EYS: variants seen among roughly 807,000 people sequenced by gnomAD.
EYS encodes protein eyes shut homolog.
Under a neutral mutation model 282.1 loss-of-function variants are expected in EYS, and 250 were observed. That is an observed-to-expected ratio of 0.89 (90% confidence interval 0.80 to 0.98). The LOEUF is 0.98. EYS is among the 50% of genes least tolerant of loss of function. The pLI, the probability that EYS is intolerant of heterozygous loss-of-function variation, is 0.00. For missense variants in EYS, 4,016 were observed against 3,709.0 expected (o/e 1.08, Z -2.15); for synonymous variants, 1,355 against 1,282.9 (o/e 1.06, Z -1.20).
intron 12 of EYS, among the ~76,000 whole-genome samples, chr6:65,154,668 T>A (rs1053701958): frequency 6.6e-6 from 1 of 151,588 alleles, no homozygotes; most frequent in Non-Finnish European, 1.5e-5. Flanking sequence ...AATCTTTGAG[T>A]AGTCCCTTCA....
intron 26 of EYS, among the ~76,000 whole-genome samples, chr6:64,525,653 G>A (rs1204150336): frequency 6.6e-6 from 1 of 151,420 alleles, no homozygotes; most frequent in Non-Finnish European, 1.5e-5. Context: ...AAACCTGCAA[G>A]TATACTCCTG....
At chr6:64,455,885 T>C (rs1775544506) in intron 26 of EYS, among the ~76,000 whole-genome samples, 1 of 152,202 alleles carries the variant, frequency 6.6e-6, no homozygotes, top group South Asian at 2.1e-4. Flanking sequence ...TAATTACGTT[T>C]GTTCACTTAC....
At chr6:64,382,251 C>T (rs1446591411) in intron 29 of EYS, among the ~76,000 whole-genome samples, 1 of 152,118 alleles carries the variant, frequency 6.6e-6, no homozygotes, top group Non-Finnish European at 1.5e-5. Flanking sequence ...ATCTCATTCT[C>T]TTCACTCTCT....
intron 12 of EYS, among the ~76,000 whole-genome samples, chr6:65,269,177 C>T (rs1014366944): frequency 1.3e-5 from 2 of 152,116 alleles, no homozygotes; most frequent in African/African-American, 4.8e-5. Flanking sequence ...AATCTTTGTC[C>T]TTCATGTCTT....
intron 22 of EYS, among the ~76,000 whole-genome samples, chr6:64,721,701 A>G (rs1425352809): frequency 6.6e-6 from 1 of 152,198 alleles, no homozygotes; most frequent in African/African-American, 2.4e-5. Context: ...TAAGCCCAAA[A>G]GAGAACTTTA....
intron 2 of EYS, among the ~76,000 whole-genome samples, chr6:65,568,428 C>T (rs897199042): frequency 1.3e-5 from 2 of 150,184 alleles, no homozygotes; most frequent in African/African-American, 4.9e-5. Context: ...TGCCATTTTT[C>T]TTATCAGTCT....
At position 65,072,732 on chromosome 6, in the gene EYS, T is replaced by C. The variant is rs1339161680; in HGVS notation, c.2024-15005A>G. Among the ~76,000 whole-genome samples, 3 of 151,200 alleles carry C rather than the reference T, an allele frequency of 2.0e-5. No individual in the cohort carries two copies. The East Asian group carries it at 5.8e-4, about 29-fold the overall frequency. The stretch of plus-strand genomic sequence containing the variant: ...TCAAATTCAAAAAAGAATCACAAAG[T>C]GAAAACTTTCAGAAATGAATATTAT... On this transcript the variant is annotated intron_variant, in intron 12 of 42. Coordinates refer to ENST00000503581, the MANE Select transcript of EYS (RefSeq NM_001142800.2).
intron 14 of EYS, among the ~76,000 whole-genome samples, chr6:64,990,525 C>A (rs912634687): frequency 4.0e-5 from 6 of 151,510 alleles, no homozygotes; most frequent in African/African-American, 1.5e-4. Context: ...AAATTCATTT[C>A]TTTATGCACT....
At chr6:65,289,321 G>C (rs966169415) in intron 12 of EYS, among the ~76,000 whole-genome samples, 1 of 150,884 alleles carries the variant, frequency 6.6e-6, no homozygotes, top group Non-Finnish European at 1.5e-5. Flanking sequence ...TATTGGGTTT[G>C]TGTGTATGTA....
intron 35 of EYS, among the ~76,000 whole-genome samples, chr6:63,963,492 T>C (rs1449772694): frequency 6.6e-6 from 1 of 152,204 alleles, no homozygotes; most frequent in Non-Finnish European, 1.5e-5. Context: ...GTTGGTGGTA[T>C]GTGGCTTCAA....
At chr6:65,048,959 A>C (rs1773186862) in intron 13 of EYS, among the ~76,000 whole-genome samples, 1 of 151,814 alleles carries the variant, frequency 6.6e-6, no homozygotes, top group Admixed American at 6.6e-5. Context: ...TTTTCTTTCC[A>C]GTGTGCCATA....
chr6:64,036,453 C>A (rs1770125786), intron 33 of EYS, among the ~76,000 whole-genome samples: 1 of 152,084 alleles, frequency 6.6e-6, no homozygotes, highest in Admixed American at 6.6e-5. Context: ...TGACATTAAT[C>A]TGGAATACTA....
At chr6:65,350,335 G>A (rs187034451) in intron 9 of EYS, among the ~76,000 whole-genome samples, 139 of 151,318 alleles carry the variant, frequency 9.2e-4, no homozygotes, top group South Asian at 4.4e-3. Flanking sequence ...AAGAAGTAAC[G>A]TATAATGCAT....
chr6:63,939,703 A>G (rs1765176321), intron 35 of EYS, among the ~76,000 whole-genome samples: 2 of 152,150 alleles, frequency 1.3e-5, no homozygotes, highest in Non-Finnish European at 2.9e-5. Context: ...GCCCAGAAAT[A>G]TTGAAAAAAA....
chr6:64,132,331 A>T (rs1264513330), intron 31 of EYS, among the ~76,000 whole-genome samples: 1 of 151,902 alleles, frequency 6.6e-6, no homozygotes, highest in East Asian at 1.9e-4. Flanking sequence ...AAGGGACAGC[A>T]GTTGAATTAT....
rs1215888702 is a variant in EYS, at chr6:64,822,512, T to C, written c.3164+139A>G. 8.7e-6 allele frequency: 6 copies of C among 686,028 alleles called. No homozygotes were observed. In the African/African-American group the frequency reaches 9.3e-5, roughly 11 times the overall value. 42.5% of individuals were successfully genotyped at this position (686,028 alleles called of 1,614,324 possible). On this transcript the variant is annotated intron_variant, in intron 20 of 42. Transcript: ENST00000503581. ...CATTAGCTAAAACTGGCAGCATCTG[T>C]CATCTTAAATGTACTTAGCTCTTGT...
At chr6:64,908,274 C>T (rs374523672) in intron 16 of EYS, among the ~76,000 whole-genome samples, 137 of 152,244 alleles carry the variant, frequency 9.0e-4, no homozygotes, top group Middle Eastern at 6.8e-3. Context: ...AAGCTCCACA[C>T]GGGCCCCCAG....
At chr6:63,765,728 T>C (rs1351530304) in intron 40 of EYS, among the ~76,000 whole-genome samples, 1 of 152,052 alleles carries the variant, frequency 6.6e-6, no homozygotes, top group Non-Finnish European at 1.5e-5. Context: ...TGCTATCCAA[T>C]ACTAGTCCTT....
chr6:65,197,482 G>A (rs1765798409), intron 12 of EYS, among the ~76,000 whole-genome samples: 3 of 152,052 alleles, frequency 2.0e-5, no homozygotes, highest in Non-Finnish European at 4.4e-5. Flanking sequence ...GTTTTGAAGA[G>A]GAAGTTCAAT....
Sources: gnomAD v4.1 joint callset for allele counts (sites outside exome capture counted in the v4.1 genomes callset) on GRCh38, gnomAD v4.1.1 for gene constraint, MANE v1.5 for transcripts, NCBI Gene and HGNC (gene_info 2026-07-23, HGNC 2026-07-21) for gene names.